EYA3: variants seen among roughly 807,000 people sequenced by gnomAD.
The protein encoded by EYA3 is EYA transcriptional coactivator and phosphatase 3.
In EYA3, 39 loss-of-function variants were observed where a neutral mutation model predicts 80.0. The ratio of observed to expected loss-of-function variants is 0.49; its 90% CI spans 0.38 to 0.64. EYA3 has a LOEUF of 0.64. Among genes scored for constraint, EYA3 ranks in the 30% least tolerant of loss-of-function variants. The pLI is 0.00. For synonymous variants in EYA3, 206 were observed against 232.8 expected, an observed-to-expected ratio of 0.88 and a Z score of 1.05; for missense variants, 523 against 676.1, an observed-to-expected ratio of 0.77 and a Z score of 2.51.
At chr1:28,065,463 G>A (rs1340551456) in intron 1 of EYA3, among the ~76,000 whole-genome samples, 1 of 151,822 alleles carries the variant, frequency 6.6e-6, no homozygotes, top group Non-Finnish European at 1.5e-5. Context: ...AGTAGAGACG[G>A]GGTTTCAGCA....
At chr1:28,004,593 T>C (rs754468719) in intron 10 of EYA3, among the ~76,000 whole-genome samples, 174 bp from the exon 11 acceptor site, 18 of 151,968 alleles carry the variant, frequency 1.2e-4, no homozygotes, top group Non-Finnish European at 1.9e-4. Flanking sequence ...AGAATATACC[T>C]TGAGTTGAAT....
rs1638832242 is a variant in EYA3 at position 27,974,287 on chromosome 1, G to GAGGGAGGGAGAGAGGA, written c.*163_*178dup. 2.2e-6 allele frequency: 1 copy of GAGGGAGGGAGAGAGGA among 447,222 alleles called. No homozygotes were observed. Among genetic ancestry groups the GAGGGAGGGAGAGAGGA allele is most frequent in the Non-Finnish European group, 4.1e-6 (1 of 243,568 alleles). 27.7% of individuals were successfully genotyped at this position (447,222 alleles called of 1,614,324 possible). ...AGAGAGAGAGAGAGAGAGAGGCAGA[G>GAGGGAGGGAGAGAGGA]AGGGAGGGAGAGAGGAAGGGAGGGA... On this transcript the variant is annotated 3_prime_UTR_variant, in exon 18 of 18. Coordinates refer to ENST00000373871, the MANE Select transcript of EYA3 (RefSeq NM_001990.4).
intron 1 of EYA3, among the ~76,000 whole-genome samples, chr1:28,063,784 G>A (rs966720043): frequency 1.3e-5 from 2 of 152,154 alleles, no homozygotes; most frequent in Non-Finnish European, 2.9e-5. Context: ...AGATGAGAAC[G>A]TTTAATACTA....
At chr1:28,077,757 T>A (rs1227708049) in intron 1 of EYA3, among the ~76,000 whole-genome samples, 1 of 152,236 alleles carries the variant, frequency 6.6e-6, no homozygotes, top group Non-Finnish European at 1.5e-5. Context: ...CTTTAATCTG[T>A]GCAGTTAAAA....
intron 1 of EYA3, among the ~76,000 whole-genome samples, chr1:28,062,570 A>C (rs1032676868): frequency 1.3e-5 from 2 of 151,988 alleles, no homozygotes; most frequent in African/African-American, 4.8e-5. Flanking sequence ...GTACCCTGTA[A>C]ATGTAAATGG....
intron 1 of EYA3, among the ~76,000 whole-genome samples, chr1:28,063,702 A>T (rs1237684324): frequency 6.6e-6 from 1 of 152,228 alleles, no homozygotes; most frequent in Non-Finnish European, 1.5e-5. Flanking sequence ...AATTTGAATT[A>T]TGAATTCAAA....
Position 27,974,428 on chromosome 1 carries a change from G to T in EYA3, c.*38C>A. 1 of 1,543,906 alleles carries T rather than the reference G, an allele frequency of 6.5e-7. No individual in the cohort carries two copies. Among genetic ancestry groups the T allele is most frequent in the Non-Finnish European group, 8.9e-7 (1 of 1,119,396 alleles). On this transcript the variant is annotated 3_prime_UTR_variant, in exon 18 of 18. Coordinates refer to ENST00000373871, the MANE Select transcript of EYA3 (RefSeq NM_001990.4). ...CCAGTCTCCAGCTCCCTTCAGGAGT[G>T]AAAAGGAGCTCAAGGGGAAGGCTCC... is the stretch of plus-strand genomic sequence containing the variant.
Position 28,003,297 on chromosome 1 carries a change from C to T in EYA3, c.993+1039G>A, listed in dbSNP as rs140574499. On this transcript the variant is annotated intron_variant, in intron 11 of 17. Transcript: ENST00000373871. ...ACAACAACAACAACAACAACAACAA[C>T]AACAACAACAACAACAACAAAATTA... is the stretch of plus-strand genomic sequence containing the variant. Among the ~76,000 whole-genome samples, 1,120 of 151,564 alleles carry T rather than the reference C, an allele frequency of 7.4e-3. 8 individuals are homozygous for T. The highest frequency in any genetic ancestry group is 0.041 in the Middle Eastern group (12 of 294).
At chr1:28,017,357 G>A in intron 7 of EYA3, 118 bp from the exon 8 acceptor site, 2 of 695,094 alleles carry the variant, frequency 2.9e-6, no homozygotes, top group East Asian at 2.9e-5. Flanking sequence ...CATTGGCAAA[G>A]GAAACAAACA....
chr1:28,012,261 T>C (rs1162305042), intron 9 of EYA3, among the ~76,000 whole-genome samples: 2 of 152,224 alleles, frequency 1.3e-5, no homozygotes, highest in African/African-American at 4.8e-5. Flanking sequence ...TTCTCCAATA[T>C]TCAAAAGTTA....
chr1:28,080,387 G>GTCGA (rs1463926174), intron 1 of EYA3, among the ~76,000 whole-genome samples: 1 of 152,116 alleles, frequency 6.6e-6, no homozygotes, highest in Admixed American at 6.6e-5. Flanking sequence ...AGCCCAGGAG[G>GTCGA]TCGAGGCTGC....
intron 1 of EYA3, among the ~76,000 whole-genome samples, chr1:28,074,839 G>A (rs1363321957): frequency 1.3e-5 from 2 of 151,974 alleles, no homozygotes; most frequent in Non-Finnish European, 2.9e-5. Context: ...TCCCCTACCA[G>A]GTATTTGTTG....
At chr1:27,989,580 C>T (rs1049244697) in intron 15 of EYA3, 117 bp downstream of exon 15, 2 of 532,044 alleles carry the variant, frequency 3.8e-6, no homozygotes, top group Non-Finnish European at 6.7e-6. Context: ...TTCCCTACAT[C>T]ATTTAAACTC....
Position 27,973,770 on chromosome 1 carries a change from C to T in EYA3, c.*696G>A, listed in dbSNP as rs1295052707. On this transcript the variant is annotated 3_prime_UTR_variant, in exon 18 of 18. Coordinates refer to ENST00000373871, the MANE Select transcript of EYA3 (RefSeq NM_001990.4). ...AGCAGCTATAGAGGTGCTACTGCCA[C>T]AGGGAGGTATTTTAGATATTTCAAT... The T allele has an allele frequency of 2.0e-5, 3 of 152,168 alleles. No individual in the cohort carries two copies. Among genetic ancestry groups the T allele is most frequent in the Admixed American group, 6.6e-5 (1 of 15,258 alleles). 9.4% of individuals were successfully genotyped at this position (152,168 alleles called of 1,614,324 possible). A position where few individuals can be genotyped will look rare whatever the true frequency, so the allele number is the denominator to read the frequency against.
At chr1:28,084,136 T>C (rs79498902) in intron 1 of EYA3, among the ~76,000 whole-genome samples, 6,080 of 152,272 alleles carry the variant, frequency 0.04, 139 homozygotes, top group Middle Eastern at 0.054. Context: ...ACACATTCCT[T>C]TTCTGATTCA....
intron 2 of EYA3, among the ~76,000 whole-genome samples, chr1:28,053,700 G>T (rs1489807850): frequency 2.0e-5 from 3 of 152,192 alleles, no homozygotes; most frequent in African/African-American, 7.2e-5. Context: ...ATGTAAAGAT[G>T]AAATTTAAAC....
chr1:28,017,712 G>T (rs935491002), intron 7 of EYA3, among the ~76,000 whole-genome samples: 3 of 152,124 alleles, frequency 2.0e-5, no homozygotes, highest in African/African-American at 7.2e-5. Flanking sequence ...AATAGAGCTG[G>T]TCCTCCAAAT....
rs540967312 is a variant in EYA3, at chr1:28,047,193, C to T, written c.77+1190G>A. 1.6e-4 allele frequency among the ~76,000 whole-genome samples: 24 copies of T among 151,718 alleles called. No homozygotes were observed. The East Asian group carries it at 2.1e-3, about 13-fold the overall frequency. The stretch of plus-strand genomic sequence containing the variant: ...TGTCGCCCAGGCTGGAGTGCAGTGG[C>T]GCATTCTTGGCTCACTGTAACCTCC... On this transcript the variant is annotated intron_variant, in intron 3 of 17. Transcript: ENST00000373871.
chr1:28,051,886 T>A (rs1454614738), intron 2 of EYA3, among the ~76,000 whole-genome samples: 1 of 151,456 alleles, frequency 6.6e-6, no homozygotes, highest in Non-Finnish European at 1.5e-5. Context: ...GCTGGCTGCA[T>A]TAAAGAAATT....
Sources: gnomAD v4.1 joint callset for allele counts (sites outside exome capture counted in the v4.1 genomes callset) on GRCh38, gnomAD v4.1.1 for gene constraint, MANE v1.5 for transcripts, NCBI Gene and HGNC (gene_info 2026-07-23, HGNC 2026-07-21) for gene names.